The following TMEM232 variants were observed in gnomAD, a reference collection of about 807,000 sequenced individuals.
The protein encoded by TMEM232 is transmembrane protein 232.
A neutral mutation model predicts 78.8 loss-of-function variants in TMEM232; 80 were observed. The ratio of observed to expected loss-of-function variants is 1.01; its 90% CI spans 0.85 to 1.22. The LOEUF (loss-of-function observed/expected upper bound fraction) is 1.22. TMEM232 is among the 50% of genes most tolerant of loss of function. The probability of loss-of-function intolerance (pLI) is 0.00; values close to 1 mark genes in which losing one functional copy is unlikely to be tolerated. For missense variants in TMEM232, 881 were observed against 742.2 expected, an observed-to-expected ratio of 1.19 and a Z score of -2.17; for synonymous variants, 297 against 254.3, an observed-to-expected ratio of 1.17 and a Z score of -1.60.
In TMEM232 at chr5:110,644,391, A is replaced by AT. The variant is rs753625739; in HGVS notation, c.126-2021_126-2020insA. ...ATATCATTAGGAATTATGTTTTTAAAAATATGAAAATAACAGTGCTGTTTT... is the reference window on the plus strand; with the variant it reads ...ATATCATTAGGAATTATGTTTTTAAATAATATGAAAATAACAGTGCTGTTTT... On this transcript the variant is annotated intron_variant, in intron 2 of 13. Transcript: ENST00000455884. Among the ~76,000 whole-genome samples the AT allele has an allele frequency of 8.6e-5, 13 of 152,040 alleles. 2 individuals carry two copies. Among genetic ancestry groups the AT allele is most frequent in the East Asian group, 5.8e-4 (3 of 5,184 alleles).
intron 11 of TMEM232, among the ~76,000 whole-genome samples, chr5:110,537,277 T>TTATATA (rs377459137): frequency 4.8e-4 from 69 of 142,554 alleles, no homozygotes; most frequent in African/African-American, 1.9e-3. Flanking sequence ...AAGAGAAAAC[T>TTATATA]TATATATATA....
At chr5:110,418,839 A>T (rs1187906265), downstream of TMEM232, among the ~76,000 whole-genome samples, 1 of 152,198 alleles carries the variant, frequency 6.6e-6, no homozygotes, top group African/African-American at 2.4e-5. Flanking sequence ...GATGGTGCTG[A>T]AACAGCAGGA....
intron 11 of TMEM232, among the ~76,000 whole-genome samples, chr5:110,534,544 C>T (rs1192219838): frequency 6.6e-6 from 1 of 152,154 alleles, no homozygotes; most frequent in African/African-American, 2.4e-5. Context: ...CCAACTTAGA[C>T]TGTGCCCCAA....
chr5:110,544,432 C>T (rs1031659916), intron 11 of TMEM232, among the ~76,000 whole-genome samples: 1 of 115,454 alleles, frequency 8.7e-6, no homozygotes, highest in South Asian at 2.9e-4. Context: ...AGTAGCAATA[C>T]ACACATATCA....
intron 2 of TMEM232, among the ~76,000 whole-genome samples, chr5:110,650,050 T>C (rs557020558): frequency 6.6e-6 from 1 of 152,138 alleles, no homozygotes; most frequent in Non-Finnish European, 1.5e-5. Flanking sequence ...GCCTGGTACA[T>C]GCTAAATATT....
Position 110,667,219 on chromosome 5 carries a change from C to G in TMEM232, c.125+9G>C, listed in dbSNP as rs781486192. 3 of 1,533,716 alleles carry G rather than the reference C, an allele frequency of 2.0e-6. No individual in the cohort carries two copies. Among genetic ancestry groups the G allele is most frequent in the South Asian group, 2.4e-5 (2 of 81,636 alleles). On this transcript the variant is annotated intron_variant, in intron 2 of 13. Transcript: ENST00000455884. ...TACATATGGGTCCTATAATTATTTT[C>G]TAGCTTACCTTGATTTATGACCCCT...
intron 12 of TMEM232, among the ~76,000 whole-genome samples, chr5:110,431,293 G>T (rs1197054253): frequency 6.6e-6 from 1 of 151,560 alleles, no homozygotes; most frequent in East Asian, 1.9e-4. Flanking sequence ...TACAAAACGA[G>T]AGAGGCCTTG....
rs373600791 is a variant in TMEM232, at chr5:110,420,035, C to G, written c.*545G>C. The G allele has an allele frequency of 6.6e-6, 1 of 152,216 alleles. No individual in the cohort carries two copies. Among genetic ancestry groups the G allele is most frequent in the Admixed American group, 6.6e-5 (1 of 15,258 alleles). 9.4% of individuals were successfully genotyped at this position (152,216 alleles called of 1,614,324 possible). A position where few individuals can be genotyped will look rare whatever the true frequency, so the allele number is the denominator to read the frequency against. On this transcript the variant is annotated 3_prime_UTR_variant, in exon 14 of 14. Transcript: ENST00000455884. ...ATCAAGCCAATCAATCTAAGATGAC[C>G]AGCCCTCCCAGATTCAAATCTCTGA...
chr5:110,409,772 G>A (rs1391225455), intron 2 of TMEM232, among the ~76,000 whole-genome samples: 1 of 151,908 alleles, frequency 6.6e-6, no homozygotes, highest in Admixed American at 6.6e-5. Context: ...TGAAAGATTT[G>A]GAATCATTTT....
In TMEM232 at chr5:110,659,401, G is replaced by A. The variant is rs7719747; in HGVS notation, c.125+7827C>T. On this transcript the variant is annotated intron_variant, in intron 2 of 13. Coordinates refer to ENST00000455884, the MANE Select transcript of TMEM232 (RefSeq NM_001039763.4). Reference sequence around the variant, plus strand: ...TACCCTAGACAAACATAGATTGTTGGCCAAGAAAACTCAGGCAGTGAATTT... The same window carrying A: ...TACCCTAGACAAACATAGATTGTTGACCAAGAAAACTCAGGCAGTGAATTT... Among the ~76,000 whole-genome samples, 1,479 of 152,168 alleles carry A rather than the reference G, an allele frequency of 9.7e-3. 18 individuals are homozygous for A. Among genetic ancestry groups the A allele is most frequent in the African/African-American group, 0.033 (1,390 of 41,524 alleles).
chr5:110,679,073 T>C (rs142303162), intron 1 of TMEM232, among the ~76,000 whole-genome samples: 57 of 152,300 alleles, frequency 3.7e-4, no homozygotes, highest in African/African-American at 1.3e-3. Context: ...AGAGTATTTC[T>C]TACAAAGTAA....
chr5:110,560,977 C>T (rs1178136693), intron 11 of TMEM232, among the ~76,000 whole-genome samples: 1 of 151,838 alleles, frequency 6.6e-6, no homozygotes, highest in Non-Finnish European at 1.5e-5. Context: ...TTATAGAGTG[C>T]CATAGGTACT....
chr5:110,648,596 G>T lies in TMEM232; in HGVS notation c.126-6225C>A, dbSNP rs115134676. On this transcript the variant is annotated intron_variant, in intron 2 of 13. Transcript: ENST00000455884. ...TTATAATGCATAAATTTGAGCTTGG[G>T]TTATTTTCTAATTCCATTCCCCTAA... Among the ~76,000 whole-genome samples the T allele has an allele frequency of 5.1e-3, 783 of 152,100 alleles. 7 individuals carry two copies. The highest frequency in any genetic ancestry group is 0.018 in the African/African-American group (741 of 41,510).
chr5:110,641,406 G>A (rs543932933), intron 3 of TMEM232, among the ~76,000 whole-genome samples: 1 of 152,216 alleles, frequency 6.6e-6, no homozygotes, highest in South Asian at 2.1e-4. Context: ...TTGATATACG[G>A]AAGTTAATGA....
chr5:110,473,618 G>T (rs916644726), intron 12 of TMEM232, among the ~76,000 whole-genome samples: 1 of 151,050 alleles, frequency 6.6e-6, no homozygotes, highest in Non-Finnish European at 1.5e-5. Context: ...AGTACCACAT[G>T]ATCTAGCAAT....
At chr5:110,545,436 T>C (rs568161568) in intron 11 of TMEM232, among the ~76,000 whole-genome samples, 119 of 152,126 alleles carry the variant, frequency 7.8e-4, no homozygotes, top group Non-Finnish European at 1.4e-3. Flanking sequence ...TATAAAATAT[T>C]ACAATATTAT....
chr5:110,591,018 T>G (rs1428996332), intron 10 of TMEM232, among the ~76,000 whole-genome samples: 1 of 152,084 alleles, frequency 6.6e-6, no homozygotes, highest in Non-Finnish European at 1.5e-5. Context: ...CGTGTGGGGA[T>G]TACAATCGGA....
intron 12 of TMEM232, among the ~76,000 whole-genome samples, chr5:110,458,545 GAAACTACGGCACTA>G (rs1761142641): frequency 6.6e-6 from 1 of 152,088 alleles, no homozygotes; most frequent in Admixed American, 6.6e-5. Context: ...GGTGCTGGCT[GAAACTACGGCACTA>G]AGCCTAGCTA....
intron 11 of TMEM232, among the ~76,000 whole-genome samples, chr5:110,535,332 C>T (rs1225311884): frequency 6.6e-6 from 1 of 151,900 alleles, no homozygotes; most frequent in Non-Finnish European, 1.5e-5. Context: ...TTGTGACCCT[C>T]ACTCCTGCCT....
Sources: gnomAD v4.1 joint callset for allele counts (sites outside exome capture counted in the v4.1 genomes callset) on GRCh38, gnomAD v4.1.1 for gene constraint, MANE v1.5 for transcripts, NCBI Gene and HGNC (gene_info 2026-07-23, HGNC 2026-07-21) for gene names.